The following TRMT10B variants were observed in gnomAD, a reference collection of about 807,000 sequenced individuals.
TRMT10B encodes the protein tRNA methyltransferase 10 homolog B.
Under a neutral mutation model 43.8 loss-of-function variants are expected in TRMT10B, and 33 were observed. That is an observed-to-expected ratio of 0.75 (90% confidence interval 0.57 to 1.01). The LOEUF is 1.01. TRMT10B is among the 50% of genes least tolerant of loss of function. The pLI, the probability that TRMT10B is intolerant of heterozygous loss-of-function variation, is 0.00. For missense variants in TRMT10B, 362 were observed against 369.8 expected (o/e 0.98, Z 0.17); for synonymous variants, 137 against 130.6 (o/e 1.05, Z -0.34).
Position 37,761,695 on chromosome 9 carries a change from T to C in TRMT10B, c.-29-208T>C, listed in dbSNP as rs76078453. Among the ~76,000 whole-genome samples the C allele has an allele frequency of 8.9e-3, 1,348 of 152,242 alleles. 20 individuals are homozygous for C. The highest frequency in any genetic ancestry group is 0.031 in the African/African-American group (1,292 of 41,528). ...CCTGAGTAACGAGAGCAAAACCGTC[T>C]CAAACAAACAAAACTTCCTTACTAC... On this transcript the variant is annotated intron_variant, in intron 1 of 8. Transcript: ENST00000297994.
At position 37,761,951 on chromosome 9, in the gene TRMT10B, G is replaced by T. The variant is rs1826381823; in HGVS notation, c.20G>T (p.Gly7Val). 1 of 1,613,486 alleles carries T rather than the reference G, an allele frequency of 6.2e-7. No homozygotes were observed. Among genetic ancestry groups the T allele is most frequent in the East Asian group, 2.2e-5 (1 of 44,876 alleles). The part of the protein sequence containing the change: MDWKLE[G>V]STQKVESPVL... ...AAGTCCATGGACTGGAAATTGGAAGGGAGTACTCAGAAAGTAGAGTCACCT... is the reference window on the plus strand; with the variant it reads ...AAGTCCATGGACTGGAAATTGGAAGTGAGTACTCAGAAAGTAGAGTCACCT... Residue 7 changes from glycine (G) to valine (V), a missense_variant, in exon 2 of 9, where the codon GGG becomes GTG. Gly to Val is a moderately radical substitution (Grantham distance 109). Transcript: ENST00000297994.
chr9:37,771,714 A>G (rs1827602259), intron 7 of TRMT10B, among the ~76,000 whole-genome samples: 1 of 152,210 alleles, frequency 6.6e-6, no homozygotes, highest in South Asian at 2.1e-4. Flanking sequence ...CCGGCTATTT[A>G]CATGGTCTCA....
At position 37,761,826 on chromosome 9, in the gene TRMT10B, CTT is replaced by C. The variant is rs1010475181; in HGVS notation, c.-29-75_-29-74del. 22 of 1,026,726 alleles carry C rather than the reference CTT, an allele frequency of 2.1e-5. No homozygotes were observed. In the African/African-American group the frequency reaches 3.4e-4, roughly 16 times the overall value. The allele number at this position is 1,026,726 out of a possible 1,614,324, so 63.6% of individuals were successfully genotyped here. On this transcript the variant is annotated intron_variant, in intron 1 of 8. Transcript: ENST00000297994. ...CACTTCTTTCAGTAACACAATAACA[CTT>C]TGTCATTTGGATGTAGGGAGATACC...
At chr9:37,764,185 G>A (rs1190727236) in intron 4 of TRMT10B, among the ~76,000 whole-genome samples, 1 of 152,044 alleles carries the variant, frequency 6.6e-6, no homozygotes, top group African/African-American at 2.4e-5. Context: ...TCTTGCTTTT[G>A]TCACCTAGGC....
At chr9:37,765,577 T>C (rs990504749) in intron 4 of TRMT10B, among the ~76,000 whole-genome samples, 1 of 152,222 alleles carries the variant, frequency 6.6e-6, no homozygotes, top group African/African-American at 2.4e-5. Flanking sequence ...AGAAGCATGA[T>C]TTATAATCCT....
At chr9:37,776,629 C>T (rs1564007103) in intron 8 of TRMT10B, among the ~76,000 whole-genome samples, 1 of 152,214 alleles carries the variant, frequency 6.6e-6, no homozygotes, top group Admixed American at 6.5e-5. Flanking sequence ...GGTGCAGTGG[C>T]TCACACCTGT....
upstream of TRMT10B, among the ~76,000 whole-genome samples, chr9:37,753,401 C>G (rs768571448): frequency 2.6e-5 from 4 of 152,196 alleles, no homozygotes; most frequent in Admixed American, 2.0e-4. Context: ...CCAACCGCCC[C>G]GCTCCACTCC....
chr9:37,776,399 A>C lies in TRMT10B; in HGVS notation c.838A>C (p.Asn280His), dbSNP rs369983744. 2 of 1,608,752 alleles carry C rather than the reference A, an allele frequency of 1.2e-6. No homozygotes were observed. Among genetic ancestry groups the C allele is most frequent in the Non-Finnish European group, 1.7e-6 (2 of 1,178,270 alleles). Residue 280 changes from asparagine (N) to histidine (H), a missense_variant, in exon 8 of 9, where the codon AAT (asparagine) becomes CAT (histidine). Coordinates refer to ENST00000297994, the MANE Select transcript of TRMT10B (RefSeq NM_144964.4). ...KNYHSEILAI[N>H]QVFDILSTYL... ...CTATCATTCAGAGATACTGGCCATC[A>C]ATCAAGGTACTTCTTACACGGCCCC...
chr9:37,757,444 G>C (rs1277170607), intron 1 of TRMT10B, among the ~76,000 whole-genome samples: 1 of 152,134 alleles, frequency 6.6e-6, no homozygotes, highest in Non-Finnish European at 1.5e-5. Context: ...CTAATTCTTT[G>C]TGATAGTCTG....
intron 1 of TRMT10B, among the ~76,000 whole-genome samples, chr9:37,756,338 ACT>A (rs1563982137): frequency 6.6e-6 from 1 of 151,714 alleles, no homozygotes; most frequent in East Asian, 1.9e-4. Context: ...AATGCAGATG[ACT>A]CTGATGGTAT....
intron 3 of TRMT10B, among the ~76,000 whole-genome samples, chr9:37,763,143 C>CAAAA (rs747893643): frequency 4.2e-4 from 21 of 50,144 alleles, no homozygotes; most frequent in African/African-American, 5.7e-4. Context: ...GACTCTGTCT[C>CAAAA]AAAAAAAAAA....
At chr9:37,777,406 G>A (rs1218510481) in intron 8 of TRMT10B, among the ~76,000 whole-genome samples, 195 bp from the exon 9 acceptor site, 1 of 150,140 alleles carries the variant, frequency 6.7e-6, no homozygotes, top group Non-Finnish European at 1.5e-5. Context: ...CCATTCATAG[G>A]CCTGTATCTT....
intron 1 of TRMT10B, among the ~76,000 whole-genome samples, chr9:37,755,506 C>G (rs934488398): frequency 3.9e-5 from 6 of 152,122 alleles, no homozygotes; most frequent in Non-Finnish European, 8.8e-5. Flanking sequence ...CCAACTTCAC[C>G]TTTGCTTTCT....
intron 1 of TRMT10B, among the ~76,000 whole-genome samples, chr9:37,760,583 C>A (rs1035539178): frequency 2.0e-5 from 3 of 152,162 alleles, no homozygotes; most frequent in African/African-American, 7.2e-5. Flanking sequence ...GGAGTCAATA[C>A]ATTCAAAGCT....
chr9:37,767,395 C>T (rs1467887403), intron 4 of TRMT10B: 4 of 151,204 alleles, frequency 2.6e-5, no homozygotes, highest in African/African-American at 9.8e-5. Flanking sequence ...TACCTGTAGT[C>T]CCAGCTACTC....
At position 37,777,625 on chromosome 9, in the gene TRMT10B, T is replaced by TA. The variant is rs1468185379; in HGVS notation, c.870dup (p.Glu291ArgfsTer7). 6.2e-7 allele frequency: 1 copy of TA among 1,614,032 alleles called. No homozygotes were observed. Reference sequence around the variant, plus strand: ...GTGTTTGATATCCTGTCCACTTACTTAGAGACTCACAACTGGCCTGAAGCA... The same window carrying TA: ...GTGTTTGATATCCTGTCCACTTACTTAAGAGACTCACAACTGGCCTGAAGCA... On this transcript the variant is annotated frameshift_variant, in exon 9 of 9. Coordinates refer to ENST00000297994, the MANE Select transcript of TRMT10B (RefSeq NM_144964.4). LOFTEE classifies it high-confidence loss of function.
At chr9:37,756,818 A>ATG (rs10673501) in intron 1 of TRMT10B, among the ~76,000 whole-genome samples, 31,960 of 149,726 alleles carry the variant, frequency 0.21, 3,722 homozygotes, top group African/African-American at 0.32. Flanking sequence ...ATGTGTGCAT[A>ATG]TGTGTGTATG....
At chr9:37,770,769 T>C in intron 7 of TRMT10B, 30 bp downstream of exon 7, 1 of 1,610,792 alleles carries the variant, frequency 6.2e-7, no homozygotes, top group Non-Finnish European at 8.5e-7. Flanking sequence ...CCAACATCTG[T>C]TTTAAAAAGC....
intron 1 of TRMT10B, among the ~76,000 whole-genome samples, chr9:37,754,152 A>AC (rs1183035904): frequency 6.6e-6 from 1 of 152,192 alleles, no homozygotes; most frequent in East Asian, 1.9e-4. Context: ...GCCTCTGCCA[A>AC]CCTAGGGTGG....
Sources: gnomAD v4.1 joint callset for allele counts (sites outside exome capture counted in the v4.1 genomes callset) on GRCh38, gnomAD v4.1.1 for gene constraint, MANE v1.5 for transcripts, NCBI Gene and HGNC (gene_info 2026-07-23, HGNC 2026-07-21) for gene names.